Variants in CAST observed in about 807,000 individuals in gnomAD.
The protein encoded by CAST is MIR583 host.
In CAST, 76 loss-of-function variants were observed where a neutral mutation model predicts 119.6. The observed-to-expected ratio is 0.64, with a 90% confidence interval of 0.53 to 0.77. The LOEUF is 0.77. CAST is among the 30% of genes least tolerant of loss of function. CAST has a pLI of 0.00. For synonymous variants in CAST, 319 were observed against 331.6 expected (o/e 0.96, Z 0.41); for missense variants, 953 against 946.5 (o/e 1.01, Z -0.09).
At chr5:96,616,753 T>C (rs62364683) in intron 1 of CAST, among the ~76,000 whole-genome samples, 13,520 of 130,620 alleles carry the variant, frequency 0.1, 748 homozygotes, top group Non-Finnish European at 0.14. Context: ...TCTATATATA[T>C]ACACACACAC....
At chr5:95,965,894 AT>A in the CAST span, among the ~76,000 whole-genome samples, 1 of 152,216 alleles carries the variant, frequency 6.6e-6, no homozygotes, top group South Asian at 2.1e-4. Context: ...TTGTGTGAAT[AT>A]TTACTCTAAG....
chr5:96,012,515 C>T, the CAST span, among the ~76,000 whole-genome samples: 1 of 152,112 alleles, frequency 6.6e-6, no homozygotes, highest in South Asian at 2.1e-4. Flanking sequence ...TCTTTTCCAT[C>T]CTATGAATTT....
chr5:96,607,267 G>A (rs186332871), intron 1 of CAST, among the ~76,000 whole-genome samples: 15 of 152,300 alleles, frequency 9.8e-5, no homozygotes, highest in African/African-American at 3.6e-4. Flanking sequence ...CAGCCTGGGC[G>A]ACAGAGCGGG....
chr5:96,552,857 G>A lies in CAST; in HGVS notation c.60+22977G>A, dbSNP rs191847051. The stretch of plus-strand genomic sequence containing the variant: ...CACATACACCCTCCCAAGACTAAAC[G>A]AGGAAGAAGTTGAACCTCTGAATAG... On this transcript the variant is annotated intron_variant, in intron 1 of 11. Coordinates refer to the CAST transcript ENST00000505143. Among the ~76,000 whole-genome samples the A allele has an allele frequency of 8.4e-4, 127 of 152,076 alleles. 1 individual carries two copies. Among genetic ancestry groups the A allele is most frequent in the Non-Finnish European group, 1.5e-3 (103 of 67,932 alleles).
At chr5:95,963,210 G>C in the CAST span, among the ~76,000 whole-genome samples, 1 of 152,234 alleles carries the variant, frequency 6.6e-6, no homozygotes, top group South Asian at 2.1e-4. Context: ...GGGATTCCCC[G>C]GGAAAGTTTA....
At chr5:96,111,232 T>C in the CAST span, among the ~76,000 whole-genome samples, 1 of 152,194 alleles carries the variant, frequency 6.6e-6, no homozygotes, top group Non-Finnish European at 1.5e-5. Flanking sequence ...ATGAACAGTA[T>C]GACAGTCAGA....
the CAST span, among the ~76,000 whole-genome samples, chr5:96,515,804 A>G: frequency 6.6e-6 from 1 of 152,072 alleles, no homozygotes; most frequent in African/African-American, 2.4e-5. Flanking sequence ...CGACTCGTAC[A>G]CTTTCCCTGC....
At chr5:96,372,087 C>T in the CAST span, among the ~76,000 whole-genome samples, 6 of 152,170 alleles carry the variant, frequency 3.9e-5, no homozygotes, top group Non-Finnish European at 5.9e-5. Context: ...GCAACGTTCA[C>T]CCCAATTTTG....
chr5:96,692,588 G>A (rs748831668), intron 2 of CAST, among the ~76,000 whole-genome samples: 5 of 152,120 alleles, frequency 3.3e-5, no homozygotes, highest in Non-Finnish European at 7.4e-5. Context: ...GCCCTTGCAC[G>A]TGCTGCCCTG....
intron 1 of CAST, among the ~76,000 whole-genome samples, chr5:96,585,888 C>T (rs1002821427): frequency 6.6e-6 from 1 of 152,192 alleles, no homozygotes; most frequent in Non-Finnish European, 1.5e-5. Context: ...TTATTAACAA[C>T]TTTCTTAGAC....
At chr5:95,993,196 C>G in the CAST span, among the ~76,000 whole-genome samples, 1 of 152,100 alleles carries the variant, frequency 6.6e-6, no homozygotes, top group African/African-American at 2.4e-5. Context: ...TAACAAATGA[C>G]ACTAGAACAA....
At chr5:96,168,311 C>T in the CAST span, among the ~76,000 whole-genome samples, 1 of 152,164 alleles carries the variant, frequency 6.6e-6, no homozygotes, top group Non-Finnish European at 1.5e-5. Context: ...ATGACTCCAG[C>T]TTCCTTTGGA....
chr5:96,249,514 G>A, the CAST span, among the ~76,000 whole-genome samples: 27 of 152,298 alleles, frequency 1.8e-4, no homozygotes, highest in East Asian at 1.5e-3. Flanking sequence ...ATAGTAAAGA[G>A]GCAACAAGTA....
At chr5:96,013,933 A>C in the CAST span, among the ~76,000 whole-genome samples, 2 of 152,124 alleles carry the variant, frequency 1.3e-5, no homozygotes, top group African/African-American at 4.8e-5. Flanking sequence ...CTTTACAAAC[A>C]CTGTACATTT....
chr5:96,367,666 A>G, the CAST span, among the ~76,000 whole-genome samples: 1,402 of 152,160 alleles, frequency 9.2e-3, 21 homozygotes, highest in African/African-American at 0.032. Context: ...TGCTAAGACC[A>G]TTGGAAAAGC....
At chr5:96,186,946 C>A in the CAST span, among the ~76,000 whole-genome samples, 1 of 152,134 alleles carries the variant, frequency 6.6e-6, no homozygotes, top group South Asian at 2.1e-4. Flanking sequence ...ATTTGTACAT[C>A]CGGTAGAATT....
chr5:96,100,008 T>C, the CAST span, among the ~76,000 whole-genome samples: 10 of 152,164 alleles, frequency 6.6e-5, no homozygotes, highest in Admixed American at 5.2e-4. Context: ...ATTTCAGAAT[T>C]CGTTATTGAT....
intron 1 of CAST, among the ~76,000 whole-genome samples, chr5:96,533,207 A>C (rs1029950388): frequency 2.6e-5 from 4 of 152,156 alleles, no homozygotes; most frequent in Non-Finnish European, 4.4e-5. Context: ...ACTTTTATAT[A>C]TGCAAGGACT....
At chr5:96,664,428 C>T (rs1239138206) in intron 1 of CAST, among the ~76,000 whole-genome samples, 1 of 151,792 alleles carries the variant, frequency 6.6e-6, no homozygotes, top group Non-Finnish European at 1.5e-5. Context: ...CACACACACA[C>T]ACATACAATA....
Sources: gnomAD v4.1 joint callset for allele counts (sites outside exome capture counted in the v4.1 genomes callset) on GRCh38, gnomAD v4.1.1 for gene constraint, MANE v1.5 for transcripts, NCBI Gene and HGNC (gene_info 2026-07-23, HGNC 2026-07-21) for gene names.